Variants in XPO6 observed in about 807,000 individuals in gnomAD.
The protein encoded by XPO6 is exportin-6.
A neutral mutation model predicts 130.0 loss-of-function variants in XPO6; 3 were observed. The observed-to-expected ratio is 0.02, with a 90% CI of 0.01 to 0.06. The LOEUF is 0.06. Among genes scored for constraint, XPO6 ranks in the 10% least tolerant of loss-of-function variants. XPO6 has a pLI of 1.00. For missense variants in XPO6, 970 were observed against 1,393.0 expected (o/e 0.70, Z 4.83); for synonymous variants, 524 against 548.9 (o/e 0.95, Z 0.63).
In XPO6 at chr16:28,156,255, C is replaced by T. The variant is rs746335516; in HGVS notation, c.916G>A (p.Gly306Ser). The T allele has an allele frequency of 5.0e-6, 8 of 1,614,140 alleles. No homozygotes were observed. The East Asian group carries it at 8.9e-5, about 18-fold the overall frequency. The change falls in exon 7 of 24, where the codon GGC becomes AGC. Residue 306 changes from glycine (G) to serine (S), a missense_variant. Physicochemically the swap from Gly to Ser is moderately conservative, Grantham distance 56. Transcript: ENST00000304658. ...GACATGGCCAGGACCCCCAGCCGGC[C>T]GCGCTCCTGACCCGAGACACAGTTC... Reference protein sequence around the residue: ...SQNCVSGQERGRLGVLAMSCI... With the variant: ...SQNCVSGQERSRLGVLAMSCI...
In XPO6 at chr16:28,101,393, G is replaced by T; in HGVS notation, c.3276+65C>A. 1.4e-6 allele frequency: 2 copies of T among 1,447,154 alleles called. No homozygotes were observed. The highest frequency in any genetic ancestry group is 1.4e-5 in the African/African-American group (1 of 71,598). 89.6% of individuals were successfully genotyped at this position (1,447,154 alleles called of 1,614,324 possible). A position where few individuals can be genotyped will look rare whatever the true frequency, so the allele number is the denominator to read the frequency against. ...GGCCTCAATGTGCCCCCTCCTTGCT[G>T]CACAGGTGCCAGGCTTGCGTGCCCA... On this transcript the variant is annotated intron_variant, in intron 23 of 23. Coordinates refer to ENST00000304658, the MANE Select transcript of XPO6 (RefSeq NM_015171.4). This position sits in a 1 kb window ranked among gnomAD's most constrained non-coding sequence, Gnocchi z 5.4.
intron 1 of XPO6, among the ~76,000 whole-genome samples, chr16:28,182,066 C>A (rs2043625263): frequency 6.6e-6 from 1 of 152,208 alleles, no homozygotes; most frequent in Non-Finnish European, 1.5e-5. Context: ...TGGTATAATT[C>A]TACCCCAGAC....
At chr16:28,174,459 G>A (rs2043503728) in intron 4 of XPO6, among the ~76,000 whole-genome samples, 1 of 152,132 alleles carries the variant, frequency 6.6e-6, no homozygotes, top group Non-Finnish European at 1.5e-5. Flanking sequence ...CCCGCCCTGA[G>A]ATCATAAATT....
rs115329006 is a variant in XPO6, at chr16:28,099,266, G to A, written c.3277-627C>T. Reference sequence around the variant, plus strand: ...GGCCAGAAGTGAGGCCCTGACCTCCGCCATCATGCACACGGTGAGACCCTG... The same window carrying A: ...GGCCAGAAGTGAGGCCCTGACCTCCACCATCATGCACACGGTGAGACCCTG... On this transcript the variant is annotated intron_variant, in intron 23 of 23. Transcript: ENST00000304658. Among the ~76,000 whole-genome samples, 690 of 152,274 alleles carry A rather than the reference G, an allele frequency of 4.5e-3. 7 individuals carry two copies. Among genetic ancestry groups the A allele is most frequent in the African/African-American group, 0.016 (668 of 41,558 alleles).
chr16:28,147,343 G>A (rs2043002404), intron 8 of XPO6, among the ~76,000 whole-genome samples: 1 of 152,056 alleles, frequency 6.6e-6, no homozygotes, highest in East Asian at 1.9e-4. Context: ...CAGGTGGACT[G>A]CTTGAGACCA....
At chr16:28,125,930 C>T in intron 12 of XPO6, 82 bp from the exon 13 acceptor site, 1 of 1,520,000 alleles carries the variant, frequency 6.6e-7, no homozygotes, top group Non-Finnish European at 8.9e-7. Flanking sequence ...CAGCAAGCCA[C>T]ACACAGCAAA....
intron 1 of XPO6, among the ~76,000 whole-genome samples, chr16:28,195,645 C>T (rs766539389): frequency 5.9e-5 from 9 of 151,942 alleles, no homozygotes; most frequent in Non-Finnish European, 8.8e-5. Flanking sequence ...ACCAGCTACT[C>T]GGGAGGTTGA....
At chr16:28,194,267 A>T (rs1425327054) in intron 1 of XPO6, among the ~76,000 whole-genome samples, 1 of 152,198 alleles carries the variant, frequency 6.6e-6, no homozygotes, top group African/African-American at 2.4e-5. Context: ...TACATAAAAA[A>T]TTAGCTAAAT....
chr16:28,182,407 T>C (rs540545104), intron 1 of XPO6, among the ~76,000 whole-genome samples: 1 of 152,254 alleles, frequency 6.6e-6, no homozygotes, highest in South Asian at 2.1e-4. Context: ...ACAAGTGCAC[T>C]CACTACACAG....
chr16:28,177,097 G>A (rs997775146), intron 3 of XPO6, 123 bp downstream of exon 3: 4 of 505,736 alleles, frequency 7.9e-6, no homozygotes, highest in Non-Finnish European at 1.4e-5. Flanking sequence ...ACAGTATGTG[G>A]GACGACATCC....
intron 14 of XPO6, among the ~76,000 whole-genome samples, chr16:28,119,115 A>C (rs1234632293): frequency 3.3e-5 from 5 of 152,102 alleles, no homozygotes; most frequent in Non-Finnish European, 7.3e-5. Flanking sequence ...TCCTGGGCTC[A>C]AGCAATTCTC....
intron 4 of XPO6, among the ~76,000 whole-genome samples, chr16:28,171,198 G>A (rs148604456): frequency 3.3e-5 from 5 of 151,924 alleles, no homozygotes; most frequent in South Asian, 2.1e-4. Flanking sequence ...CGGGCTGGGC[G>A]TGGTGGCTCA....
intron 1 of XPO6, among the ~76,000 whole-genome samples, chr16:28,188,822 T>G (rs1197624392): frequency 2.0e-5 from 3 of 151,954 alleles, no homozygotes; most frequent in East Asian, 1.9e-4. Context: ...CTGAAGTCAT[T>G]CAGCTCAAAA....
chr16:28,195,690 T>C (rs931949830), intron 1 of XPO6, among the ~76,000 whole-genome samples: 3 of 151,958 alleles, frequency 2.0e-5, no homozygotes, highest in Non-Finnish European at 4.4e-5. Flanking sequence ...GAGGCGGAGG[T>C]TGCAGTGAGC....
chr16:28,168,782 T>G (rs990525062), intron 5 of XPO6, among the ~76,000 whole-genome samples: 10 of 111,464 alleles, frequency 9.0e-5, no homozygotes, highest in African/African-American at 3.6e-4. Context: ...TTTTGTTTTG[T>G]TTTTTTTTTT....
chr16:28,141,094 T>G (rs567199861), intron 9 of XPO6, among the ~76,000 whole-genome samples: 1 of 152,352 alleles, frequency 6.6e-6, no homozygotes, highest in South Asian at 2.1e-4. Context: ...CACAATGTCA[T>G]GTGTAACAGT....
intron 15 of XPO6, among the ~76,000 whole-genome samples, chr16:28,114,819 G>A (rs915565018): frequency 6.6e-6 from 1 of 152,210 alleles, no homozygotes; most frequent in African/African-American, 2.4e-5. Flanking sequence ...CAAAGTTGGA[G>A]TCAGTCCTCT....
intron 8 of XPO6, among the ~76,000 whole-genome samples, chr16:28,148,847 G>A (rs1485255949): frequency 6.6e-6 from 1 of 151,960 alleles, no homozygotes; most frequent in Non-Finnish European, 1.5e-5. Context: ...TTCGAGACCA[G>A]CCTGGTCAAC....
chr16:28,129,486 A>T (rs945875778), intron 12 of XPO6, among the ~76,000 whole-genome samples: 1 of 152,202 alleles, frequency 6.6e-6, no homozygotes, highest in Non-Finnish European at 1.5e-5. Context: ...GGAGGCACAA[A>T]ACATCATGGC....
Sources: gnomAD v4.1 joint callset for allele counts (sites outside exome capture counted in the v4.1 genomes callset) on GRCh38, gnomAD v4.1.1 for gene constraint, Gnocchi (gnomAD v3.1) non-coding constraint, MANE v1.5 for transcripts, NCBI Gene and HGNC (gene_info 2026-07-23, HGNC 2026-07-21) for gene names.